PPL: variants seen among roughly 807,000 people sequenced by gnomAD.
The protein encoded by PPL is 190 kDa paraneoplastic pemphigus antigen.
Under a neutral mutation model 194.4 loss-of-function variants are expected in PPL, and 198 were observed. That is an observed-to-expected ratio of 1.02 (90% CI 0.91 to 1.15). PPL has a LOEUF of 1.15. Among genes scored for constraint, PPL ranks in the 50% most tolerant of loss-of-function variants. The pLI, the probability that PPL is intolerant of heterozygous loss-of-function variation, is 0.00. For missense variants in PPL, 2,885 were observed against 2,294.8 expected (o/e 1.26, Z -5.25); for synonymous variants, 1,220 against 972.4 (o/e 1.25, Z -4.74).
chr16:4,887,852 T>C (rs2088243103), intron 20 of PPL, among the ~76,000 whole-genome samples: 2 of 152,192 alleles, frequency 1.3e-5, no homozygotes, highest in Non-Finnish European at 2.9e-5. Flanking sequence ...CACCTCGGCC[T>C]CCCAAAGTGC....
intron 18 of PPL, 60 bp downstream of exon 18, chr16:4,890,121 CTTG>C (rs2088290769): frequency 6.2e-7 from 1 of 1,611,290 alleles, no homozygotes; most frequent in Non-Finnish European, 8.5e-7. Context: ...CAGAAAGGGG[CTTG>C]TTGACCTCTG....
At chr16:4,893,706 T>C (rs972552207) in intron 12 of PPL, 68 bp from the exon 13 acceptor site, 4 of 1,361,690 alleles carry the variant, frequency 2.9e-6, no homozygotes, top group African/African-American at 1.4e-5. Context: ...GAGGCGGGAC[T>C]GCGGACTCTG....
rs2089272005 is a variant in PPL, at chr16:4,934,736, G to GT, written c.62+2247dup. 2.0e-5 allele frequency among the ~76,000 whole-genome samples: 3 copies of GT among 152,148 alleles called. No individual in the cohort carries two copies. In the South Asian group the frequency reaches 6.2e-4, roughly 32 times the overall value. On this transcript the variant is annotated intron_variant, in intron 1 of 21. Transcript: ENST00000345988. ...GACCACAGCCTAGAGCCGCAAGTCT[G>GT]TCCCCTCCACCCCCCCACCAAGACA...
chr16:4,883,782 G>T lies in PPL; in HGVS notation c.4873C>A (p.Leu1625Ile), dbSNP rs1455710951. Residue 1625 changes from leucine to isoleucine, a missense_variant, in exon 22 of 22, where the codon CTC (leucine) becomes ATC (isoleucine). Leu to Ile is a conservative substitution (Grantham distance 5). Transcript: ENST00000345988. The surrounding 1 kb of genome is among the most constrained non-coding windows in gnomAD (Gnocchi z 4.8). The part of the protein sequence containing the change: ...LERELDDLKR[L>I]SKDKDLEIDE... ...ATCTCGAGGTCTTTGTCCTTGGAGA[G>T]CCTCTTGAGGTCATCCAGTTCCCTC... 14 of 1,614,006 alleles carry T rather than the reference G, an allele frequency of 8.7e-6. No homozygotes were observed. The highest frequency in any genetic ancestry group is 1.2e-5 in the Non-Finnish European group (14 of 1,180,044).
chr16:4,896,264 C>T (rs74003556), intron 9 of PPL, among the ~76,000 whole-genome samples: 296 of 152,278 alleles, frequency 1.9e-3, no homozygotes, highest in African/African-American at 6.5e-3. Flanking sequence ...ATCCAGCTTT[C>T]CCCAGACACC....
At chr16:4,930,567 A>T (rs868372147) in intron 1 of PPL, among the ~76,000 whole-genome samples, 1 of 152,154 alleles carries the variant, frequency 6.6e-6, no homozygotes, top group African/African-American at 2.4e-5. Flanking sequence ...CGCGTGTAGC[A>T]CCAGTGTCTG....
In PPL at chr16:4,916,114, G is replaced by C. The variant is rs531312682; in HGVS notation, c.63-5165C>G. On this transcript the variant is annotated intron_variant, in intron 1 of 21. Coordinates refer to ENST00000345988, the MANE Select transcript of PPL (RefSeq NM_002705.5). ...TGCCTTGCTAGTGGGGATGCAAAAT[G>C]GTGTACAGTTGTGGAAAACAGTCTA... Among the ~76,000 whole-genome samples the C allele has an allele frequency of 2.0e-5, 3 of 152,318 alleles. No individual in the cohort carries two copies. The East Asian group carries it at 5.8e-4, about 29-fold the overall frequency.
chr16:4,922,373 A>G (rs1047241861), intron 1 of PPL, among the ~76,000 whole-genome samples: 5 of 152,188 alleles, frequency 3.3e-5, no homozygotes, highest in African/African-American at 1.2e-4. Flanking sequence ...GATAAAAGCC[A>G]GAAGCCAGCT....
chr16:4,884,819 A>G lies in PPL; in HGVS notation c.3836T>C (p.Leu1279Pro), dbSNP rs180753186. The G allele has an allele frequency of 1.9e-6, 3 of 1,614,018 alleles. No homozygotes were observed. In the Admixed American group the frequency reaches 5.0e-5, roughly 27 times the overall value. The part of the protein sequence containing the change: ...IYQLKKEIQA[L>P]KDTKPQVQTK... ...CTGGACCTGGGGTTTGGTGTCTTTC[A>G]GGGCCTGGATTTCCTTTTTCAGCTG... The change falls in exon 22 of 22, where the codon CTG (leucine) becomes CCG (proline). Residue 1279 changes from leucine (L) to proline (P), a missense_variant. Leu to Pro is a moderately conservative substitution (Grantham distance 98, BLOSUM62 -3). Coordinates refer to ENST00000345988, the MANE Select transcript of PPL (RefSeq NM_002705.5). This position sits in a 1 kb window ranked among gnomAD's most constrained non-coding sequence, Gnocchi z 5.7.
intron 2 of PPL, among the ~76,000 whole-genome samples, chr16:4,904,489 C>T (rs1018428689): frequency 6.6e-6 from 1 of 152,042 alleles, no homozygotes; most frequent in Non-Finnish European, 1.5e-5. Flanking sequence ...AGAGGTGGAA[C>T]GAGGGGACCT....
intron 12 of PPL, among the ~76,000 whole-genome samples, chr16:4,894,007 G>C (rs943858010): frequency 5.9e-5 from 9 of 152,156 alleles, no homozygotes; most frequent in Non-Finnish European, 8.8e-5. Context: ...TTTGTACCAG[G>C]TACTTAACTA....
chr16:4,923,387 T>C (rs144288266), intron 1 of PPL, among the ~76,000 whole-genome samples: 1 of 152,172 alleles, frequency 6.6e-6, no homozygotes, highest in Non-Finnish European at 1.5e-5. Context: ...GGTTGCATCA[T>C]ACAAAGACCT....
At chr16:4,888,897 G>A (rs2088261526) in intron 19 of PPL, 81 bp downstream of exon 19, 2 of 1,397,240 alleles carry the variant, frequency 1.4e-6, no homozygotes, top group Admixed American at 1.7e-5. Context: ...GCCAGGGCCG[G>A]TGCTTGCTGC....
At chr16:4,914,042 C>G (rs780379154) in intron 1 of PPL, among the ~76,000 whole-genome samples, 2 of 152,216 alleles carry the variant, frequency 1.3e-5, no homozygotes, top group African/African-American at 2.4e-5. Flanking sequence ...GCGGTGGTCA[C>G]TGAAGGCTTC....
chr16:4,899,018 T>C lies in PPL; in HGVS notation c.871A>G (p.Ile291Val). 3.1e-6 allele frequency: 5 copies of C among 1,613,428 alleles called. No individual in the cohort carries two copies. The highest frequency in any genetic ancestry group is 4.2e-6 in the Non-Finnish European group (5 of 1,179,836). The change falls in exon 8 of 22, where the codon ATT (isoleucine) becomes GTT (valine). Residue 291 changes from isoleucine (I) to valine (V), a missense_variant. Coordinates refer to ENST00000345988, the MANE Select transcript of PPL (RefSeq NM_002705.5). ...TGGTCTCGGGGTGCATGAACCTCAA[T>C]GGAGTTCCTCCCGGGGTGCTCGGCC... Reference protein sequence around the residue: ...LAAEHPGRNSIEAHMEAVHAD... With the variant: ...LAAEHPGRNSVEAHMEAVHAD...
At chr16:4,906,838 C>G (rs2088696172) in intron 2 of PPL, among the ~76,000 whole-genome samples, 1 of 152,206 alleles carries the variant, frequency 6.6e-6, no homozygotes, top group Non-Finnish European at 1.5e-5. Context: ...CATCTTGCCA[C>G]AGACAGTGGT....
In PPL at chr16:4,884,143, A is replaced by C. The variant is rs368755291; in HGVS notation, c.4512T>G (p.Ser1504Arg). ...CGGTGTCGCCCTTCTCCACCTGGAC[A>C]CTCTCGGAGAGCACCACCTTCTCCT... The part of the protein sequence containing the change: ...EVKEKVVLSE[S>R]VQVEKGDTEQ... Residue 1504 changes from serine (S) to arginine (R), a missense_variant, in exon 22 of 22, where the codon AGT (serine) becomes AGG (arginine). Transcript: ENST00000345988. The surrounding 1 kb of genome is among the most constrained non-coding windows in gnomAD (Gnocchi z 5.7). 1.2e-6 allele frequency: 2 copies of C among 1,612,480 alleles called. No individual in the cohort carries two copies. Among genetic ancestry groups the C allele is most frequent in the Non-Finnish European group, 1.7e-6 (2 of 1,179,638 alleles).
At chr16:4,912,996 C>T (rs894590131) in intron 1 of PPL, among the ~76,000 whole-genome samples, 8 of 151,694 alleles carry the variant, frequency 5.3e-5, no homozygotes, top group African/African-American at 4.8e-5. Flanking sequence ...CCCAGCTACT[C>T]GGGAGGCTGA....
rs1363782156 is a variant in PPL, at chr16:4,899,256, G to A, written c.735C>T (p.Asn245=). The stretch of plus-strand genomic sequence containing the variant: ...GGCGCCGGCGGCTGGGGTAGTCGAG[G>A]TTGCGGTCACTCCAGTCGTACTGCA... ...GRMQYDWSDR[N]LDYPSRRRQY... Residue 245 remains asparagine, a synonymous_variant, in exon 7 of 22, where the codon AAC becomes AAT. Coordinates refer to ENST00000345988, the MANE Select transcript of PPL (RefSeq NM_002705.5). 2 of 1,613,812 alleles carry A rather than the reference G, an allele frequency of 1.2e-6. No individual in the cohort carries two copies. The highest frequency in any genetic ancestry group is 2.7e-5 in the African/African-American group (2 of 74,926).
Sources: gnomAD v4.1 joint callset for allele counts (sites outside exome capture counted in the v4.1 genomes callset) on GRCh38, gnomAD v4.1.1 for gene constraint, Gnocchi (gnomAD v3.1) non-coding constraint, MANE v1.5 for transcripts, NCBI Gene and HGNC (gene_info 2026-07-23, HGNC 2026-07-21) for gene names.